The following FCHSD2 variants were observed in gnomAD, a reference collection of about 807,000 sequenced individuals.
FCHSD2 encodes the protein F-BAR and double SH3 domains protein 2.
In FCHSD2, 38 loss-of-function variants were observed where a neutral mutation model predicts 108.1. That is an observed-to-expected ratio of 0.35 (90% CI 0.27 to 0.46). The LOEUF is 0.46. Ranked by LOEUF, FCHSD2 falls within the 20% of genes least tolerant of loss-of-function variation. The pLI, the probability that FCHSD2 is intolerant of heterozygous loss-of-function variation, is 1.00. For synonymous variants in FCHSD2, 279 were observed against 314.7 expected, an observed-to-expected ratio of 0.89 and a Z score of 1.20; for missense variants, 751 against 897.8, an observed-to-expected ratio of 0.84 and a Z score of 2.09.
intron 10 of FCHSD2, among the ~76,000 whole-genome samples, chr11:72,891,872 A>G (rs1431083431): frequency 2.0e-5 from 3 of 152,248 alleles, no homozygotes; most frequent in African/African-American, 7.2e-5. Flanking sequence ...TAGGATCTAC[A>G]TAATATCTTA....
chr11:72,911,069 C>A (rs1218832952), intron 9 of FCHSD2, among the ~76,000 whole-genome samples: 6 of 152,072 alleles, frequency 3.9e-5, no homozygotes. Flanking sequence ...TTTGCCTAGT[C>A]CTATGTCTTA....
intron 2 of FCHSD2, among the ~76,000 whole-genome samples, chr11:73,128,442 C>G (rs1200041791): frequency 6.6e-6 from 1 of 152,112 alleles, no homozygotes; most frequent in African/African-American, 2.4e-5. Context: ...ACATTTCCAG[C>G]CTCCTCTGCA....
chr11:72,884,091 G>A (rs1313513901), intron 12 of FCHSD2, among the ~76,000 whole-genome samples: 4 of 151,990 alleles, frequency 2.6e-5, no homozygotes, highest in Non-Finnish European at 5.9e-5. Flanking sequence ...CTTATTAAGA[G>A]ACCACTCTTA....
At chr11:73,066,242 TG>T (rs1422226235) in intron 3 of FCHSD2, among the ~76,000 whole-genome samples, 1 of 152,100 alleles carries the variant, frequency 6.6e-6, no homozygotes, top group Non-Finnish European at 1.5e-5. Context: ...AAACAAGCAA[TG>T]GGGAAAAGAT....
chr11:72,922,337 C>A (rs1170810237), intron 8 of FCHSD2, among the ~76,000 whole-genome samples: 1 of 151,958 alleles, frequency 6.6e-6, no homozygotes, highest in African/African-American at 2.4e-5. Context: ...CTCCGTTTTC[C>A]CCCAATCCAT....
chr11:72,965,064 C>T (rs894516290), intron 8 of FCHSD2, among the ~76,000 whole-genome samples: 1 of 152,158 alleles, frequency 6.6e-6, no homozygotes, highest in Admixed American at 6.5e-5. Flanking sequence ...GCTGGGATTA[C>T]AGGCATGAGC....
At chr11:73,128,073 T>G (rs1033289846) in intron 2 of FCHSD2, among the ~76,000 whole-genome samples, 1 of 150,474 alleles carries the variant, frequency 6.6e-6, no homozygotes, top group African/African-American at 2.4e-5. Context: ...TTGACCACCA[T>G]TTCTCCAAAT....
At chr11:73,051,323 A>G (rs193300514) in intron 3 of FCHSD2, among the ~76,000 whole-genome samples, 72 of 152,306 alleles carry the variant, frequency 4.7e-4, no homozygotes, top group Non-Finnish European at 8.8e-4. Context: ...TCTAAAAAAT[A>G]AAAAAATAAA....
At chr11:73,101,590 C>T (rs1043987436) in intron 2 of FCHSD2, among the ~76,000 whole-genome samples, 3 of 151,974 alleles carry the variant, frequency 2.0e-5, no homozygotes, top group Non-Finnish European at 4.4e-5. Flanking sequence ...GATGCACATA[C>T]CATGCCCAGC....
intron 9 of FCHSD2, among the ~76,000 whole-genome samples, chr11:72,911,134 A>G (rs1591391289): frequency 6.6e-6 from 1 of 152,158 alleles, no homozygotes; most frequent in South Asian, 2.1e-4. Flanking sequence ...TCTTAGATTT[A>G]AGTCTTTAAT....
Position 73,126,339 on chromosome 11 carries a change from T to TAAAAAAAA in FCHSD2, c.119+13684_119+13691dup, listed in dbSNP as rs61586562. 3.9e-3 allele frequency among the ~76,000 whole-genome samples: 108 copies of TAAAAAAAA among 27,596 alleles called. 4 individuals are homozygous for TAAAAAAAA. The highest frequency in any genetic ancestry group is 0.012 in the East Asian group (3 of 256). 18.1% of individuals were successfully genotyped at this position (27,596 alleles called of 152,430 possible). A position where few individuals can be genotyped will look rare whatever the true frequency, so the allele number is the denominator to read the frequency against. On this transcript the variant is annotated intron_variant, in intron 2 of 19. Coordinates refer to ENST00000409418, the MANE Select transcript of FCHSD2 (RefSeq NM_014824.3). The stretch of plus-strand genomic sequence containing the variant: ...TGGGCAACAGGGCAAGATTCCATCT[T>TAAAAAAAA]AAAAAAAAAAAAAAAAAAAAAAAAA...
Position 72,971,693 on chromosome 11 carries a change from G to A in FCHSD2, c.705+12395C>T, listed in dbSNP as rs191272653. 2.0e-4 allele frequency among the ~76,000 whole-genome samples: 31 copies of A among 152,306 alleles called. No individual in the cohort carries two copies. The East Asian group carries it at 5.8e-3, about 28-fold the overall frequency. Reference sequence around the variant, plus strand: ...GCCAACAACCTGAATGACCCTGGAAGGAGATTCTTCCCCAGAATCTCCAGA... The same window carrying A: ...GCCAACAACCTGAATGACCCTGGAAAGAGATTCTTCCCCAGAATCTCCAGA... On this transcript the variant is annotated intron_variant, in intron 8 of 19. Transcript: ENST00000409418.
intron 8 of FCHSD2, among the ~76,000 whole-genome samples, chr11:72,946,526 C>G (rs898257071): frequency 6.6e-6 from 1 of 151,916 alleles, no homozygotes; most frequent in Non-Finnish European, 1.5e-5. Flanking sequence ...GCACACGTAC[C>G]CTAAAACTTA....
chr11:72,911,541 AAG>A (rs1366712485), intron 9 of FCHSD2, among the ~76,000 whole-genome samples: 1 of 152,196 alleles, frequency 6.6e-6, no homozygotes, highest in African/African-American at 2.4e-5. Context: ...GGTATTTTGA[AAG>A]AGACTGCATT....
At chr11:72,936,110 C>T (rs1323710599) in intron 8 of FCHSD2, among the ~76,000 whole-genome samples, 1 of 152,204 alleles carries the variant, frequency 6.6e-6, no homozygotes, top group South Asian at 2.1e-4. Flanking sequence ...TGGGAAGACA[C>T]TGACCGTTCT....
Position 73,123,303 on chromosome 11 carries a change from T to C in FCHSD2, c.119+16728A>G, listed in dbSNP as rs368541963. Among the ~76,000 whole-genome samples, 48 of 152,326 alleles carry C rather than the reference T, an allele frequency of 3.2e-4. No individual in the cohort carries two copies. The East Asian group carries it at 6.0e-3, about 19-fold the overall frequency. On this transcript the variant is annotated intron_variant, in intron 2 of 19. Coordinates refer to ENST00000409418, the MANE Select transcript of FCHSD2 (RefSeq NM_014824.3). ...ATTCCACCTCTCCTGCAGTATCTCC[T>C]AGCCAAGCCAGTATTTCCTGGAATC...
intron 9 of FCHSD2, among the ~76,000 whole-genome samples, chr11:72,920,091 AATAACAT>A (rs1453079446): frequency 1.3e-5 from 2 of 152,168 alleles, no homozygotes; most frequent in Admixed American, 1.3e-4. Context: ...GAGAAAGAAC[AATAACAT>A]AAACTGTAAG....
At chr11:73,002,577 TA>T (rs979702617) in intron 4 of FCHSD2, among the ~76,000 whole-genome samples, 1 of 152,048 alleles carries the variant, frequency 6.6e-6, no homozygotes, top group Non-Finnish European at 1.5e-5. Flanking sequence ...AATTTATACT[TA>T]AAATACATTT....
chr11:73,014,213 C>G (rs973686969), intron 4 of FCHSD2, among the ~76,000 whole-genome samples: 4 of 147,664 alleles, frequency 2.7e-5, no homozygotes, highest in Admixed American at 6.8e-5. Context: ...CTCACTGCAG[C>G]CTTCAACTCC....
Sources: allele counts gnomAD v4.1 joint callset (sites outside exome capture counted in the v4.1 genomes callset), GRCh38; gene constraint gnomAD v4.1.1; transcripts MANE v1.5; gene names NCBI Gene and HGNC (gene_info 2026-07-23, HGNC 2026-07-21).